The following SSBP2 variants were observed in gnomAD, a reference collection of about 807,000 sequenced individuals.
The protein encoded by SSBP2 is single-stranded DNA-binding protein 2.
A neutral mutation model predicts 61.8 loss-of-function variants in SSBP2; 17 were observed. That is an observed-to-expected ratio of 0.28 (90% CI 0.19 to 0.41). The LOEUF (loss-of-function observed/expected upper bound fraction) is 0.41. SSBP2 is among the 10% of genes least tolerant of loss of function. SSBP2 has a pLI of 1.00. For synonymous variants in SSBP2, 139 were observed against 141.3 expected (o/e 0.98, Z 0.12); for missense variants, 310 against 458.7 (o/e 0.68, Z 2.96).
intron 1 of SSBP2, among the ~76,000 whole-genome samples, chr5:81,679,042 C>G (rs1752197599): frequency 6.6e-6 from 1 of 152,216 alleles, no homozygotes; most frequent in African/African-American, 2.4e-5. Context: ...TGGAGTCTCA[C>G]TCTGTCGCCC....
chr5:81,519,335 A>T (rs1769278822), intron 4 of SSBP2, among the ~76,000 whole-genome samples: 1 of 152,154 alleles, frequency 6.6e-6, no homozygotes, highest in African/African-American at 2.4e-5. Flanking sequence ...ATGTCACTGA[A>T]ATATTTAGTT....
chr5:81,734,026 T>C (rs1250397787), intron 1 of SSBP2, among the ~76,000 whole-genome samples: 2 of 152,186 alleles, frequency 1.3e-5, no homozygotes, highest in Non-Finnish European at 2.9e-5. Context: ...GTACCACAAA[T>C]AACTACTTAT....
chr5:81,645,675 A>G (rs1749181960), intron 2 of SSBP2, among the ~76,000 whole-genome samples: 1 of 152,222 alleles, frequency 6.6e-6, no homozygotes, highest in South Asian at 2.1e-4. Context: ...AGAATTGGAA[A>G]GAAGATTCCT....
chr5:81,597,449 A>G (rs949532832), intron 4 of SSBP2, among the ~76,000 whole-genome samples: 19 of 152,114 alleles, frequency 1.2e-4, no homozygotes, highest in Non-Finnish European at 1.2e-4. Context: ...AGTCAGTGTG[A>G]CGATTCCTCA....
At chr5:81,704,816 A>G (rs1049608296) in intron 1 of SSBP2, among the ~76,000 whole-genome samples, 12 of 151,492 alleles carry the variant, frequency 7.9e-5, no homozygotes, top group South Asian at 6.2e-4. Context: ...AAAAAAAAAA[A>G]AAAAAATGCA....
At chr5:81,573,821 T>A (rs1054594972) in intron 4 of SSBP2, among the ~76,000 whole-genome samples, 1 of 152,080 alleles carries the variant, frequency 6.6e-6, no homozygotes, top group East Asian at 1.9e-4. Context: ...ATTTACATAA[T>A]GGAGATATAA....
intron 15 of SSBP2, among the ~76,000 whole-genome samples, chr5:81,431,660 T>C (rs1762301389): frequency 6.6e-6 from 1 of 152,062 alleles, no homozygotes; most frequent in South Asian, 2.1e-4. Context: ...TCACAGCTCA[T>C]TGCAGCCTTG....
chr5:81,421,515 T>C (rs962628139), intron 16 of SSBP2, among the ~76,000 whole-genome samples: 3 of 152,150 alleles, frequency 2.0e-5, no homozygotes, highest in African/African-American at 7.2e-5. Context: ...TGTAATCCAG[T>C]CATTTTTGCA....
intron 1 of SSBP2, among the ~76,000 whole-genome samples, chr5:81,727,156 C>T (rs1755942073): frequency 6.6e-6 from 1 of 152,190 alleles, no homozygotes; most frequent in South Asian, 2.1e-4. Context: ...AGCTAAGTGT[C>T]TTTGGGCAAA....
At chr5:81,745,084 T>C (rs1757270338) in intron 1 of SSBP2, among the ~76,000 whole-genome samples, 1 of 152,148 alleles carries the variant, frequency 6.6e-6, no homozygotes, top group Admixed American at 6.5e-5. Context: ...TTACCAATTA[T>C]GACCAATCAG....
intron 4 of SSBP2, among the ~76,000 whole-genome samples, chr5:81,566,619 G>A (rs562510731): frequency 1.3e-5 from 2 of 152,294 alleles, no homozygotes; most frequent in African/African-American, 4.8e-5. Flanking sequence ...GGTACCAGTA[G>A]AGTGGGGAGC....
At chr5:81,459,669 C>A (rs1022552166) in intron 10 of SSBP2, among the ~76,000 whole-genome samples, 1 of 152,054 alleles carries the variant, frequency 6.6e-6, no homozygotes, top group Non-Finnish European at 1.5e-5. Context: ...TTCTTGCATT[C>A]TTTTTATGGG....
intron 1 of SSBP2, among the ~76,000 whole-genome samples, chr5:81,694,536 A>C (rs1753457893): frequency 6.6e-6 from 1 of 152,080 alleles, no homozygotes; most frequent in African/African-American, 2.4e-5. Context: ...ATCTGGCTTT[A>C]GAAGTTTTTT....
At chr5:81,666,303 T>G (rs1299323926) in intron 1 of SSBP2, among the ~76,000 whole-genome samples, 1 of 152,098 alleles carries the variant, frequency 6.6e-6, no homozygotes, top group Non-Finnish European at 1.5e-5. Flanking sequence ...GAACTGAGCA[T>G]TAGTAATGTT....
At chr5:81,608,565 A>T (rs1163633772) in intron 4 of SSBP2, among the ~76,000 whole-genome samples, 1 of 152,192 alleles carries the variant, frequency 6.6e-6, no homozygotes, top group Admixed American at 6.5e-5. Flanking sequence ...TCATGGTTAA[A>T]CCACACTCAG....
chr5:81,444,101 T>C (rs925279227), intron 12 of SSBP2, among the ~76,000 whole-genome samples: 4 of 152,216 alleles, frequency 2.6e-5, no homozygotes, highest in Non-Finnish European at 5.9e-5. Context: ...CTAAATACTG[T>C]ATCTTATTTG....
In SSBP2 at chr5:81,663,812, A is replaced by C. The variant is rs145422005; in HGVS notation, c.63-13473T>G. Among the ~76,000 whole-genome samples, 789 of 152,328 alleles carry C rather than the reference A, an allele frequency of 5.2e-3. 10 individuals are homozygous for C. The highest frequency in any genetic ancestry group is 0.018 in the African/African-American group (769 of 41,582). ...GTAGGGTTGAAACTGAAAAGTAGCCATTTAATATGGGAAAACATCCAACTT... is the reference window on the plus strand; with the variant it reads ...GTAGGGTTGAAACTGAAAAGTAGCCCTTTAATATGGGAAAACATCCAACTT... On this transcript the variant is annotated intron_variant, in intron 1 of 16. Transcript: ENST00000320672.
chr5:81,598,027 AATAAT>A (rs1200104162), intron 4 of SSBP2, among the ~76,000 whole-genome samples: 1 of 151,488 alleles, frequency 6.6e-6, no homozygotes, highest in African/African-American at 2.4e-5. Flanking sequence ...AAAAAATAAT[AATAAT>A]AAAATAAATT....
At chr5:81,628,248 G>A (rs1347411311) in intron 3 of SSBP2, among the ~76,000 whole-genome samples, 3 of 152,148 alleles carry the variant, frequency 2.0e-5, no homozygotes, top group South Asian at 2.1e-4. Flanking sequence ...AAAGCTGAGC[G>A]AAGGGGGAAG....
Sources: allele counts gnomAD v4.1 joint callset (sites outside exome capture counted in the v4.1 genomes callset), GRCh38; gene constraint gnomAD v4.1.1; transcripts MANE v1.5; gene names NCBI Gene and HGNC (gene_info 2026-07-23, HGNC 2026-07-21).